Variants in MYRIP observed in about 807,000 individuals in gnomAD.
MYRIP encodes myosin VIIA and Rab interacting protein.
MYRIP carries 49 observed loss-of-function variants against 98.0 expected under a neutral mutation model. The observed-to-expected ratio is 0.50, with a 90% CI of 0.40 to 0.63. MYRIP has a LOEUF of 0.63. Among genes scored for constraint, MYRIP ranks in the 30% least tolerant of loss-of-function variants. MYRIP has a pLI of 0.00. For synonymous variants in MYRIP, 404 were observed against 409.5 expected (o/e 0.99, Z 0.16); for missense variants, 1,004 against 1,058.2 (o/e 0.95, Z 0.71).
At chr3:40,109,621 G>T (rs1215879476) in intron 3 of MYRIP, among the ~76,000 whole-genome samples, 1 of 152,142 alleles carries the variant, frequency 6.6e-6, no homozygotes, top group Non-Finnish European at 1.5e-5. Flanking sequence ...GAAGGTTGAT[G>T]TTGGGAAGGA....
chr3:39,831,726 G>A (rs1209186474), intron 1 of MYRIP, among the ~76,000 whole-genome samples: 1 of 152,088 alleles, frequency 6.6e-6, no homozygotes, highest in Non-Finnish European at 1.5e-5. Flanking sequence ...ATTTCTAATA[G>A]CTGAATTGAA....
At chr3:40,232,024 G>C (rs934601974) in intron 11 of MYRIP, among the ~76,000 whole-genome samples, 2 of 152,138 alleles carry the variant, frequency 1.3e-5, no homozygotes, top group Non-Finnish European at 2.9e-5. Flanking sequence ...CTGAAAAGTG[G>C]GGGACATCCT....
intron 11 of MYRIP, among the ~76,000 whole-genome samples, chr3:40,215,682 A>G (rs1952097984): frequency 6.6e-6 from 1 of 152,166 alleles, no homozygotes; most frequent in African/African-American, 2.4e-5. Flanking sequence ...AAATAACTTA[A>G]CCATTCATGT....
intron 1 of MYRIP, among the ~76,000 whole-genome samples, chr3:39,858,488 C>A (rs1392697277): frequency 1.3e-5 from 2 of 152,038 alleles, no homozygotes; most frequent in Admixed American, 6.5e-5. Context: ...ATCATCCAGA[C>A]AGAAAATCAA....
intron 2 of MYRIP, among the ~76,000 whole-genome samples, chr3:39,921,216 T>C (rs1035594458): frequency 6.6e-6 from 1 of 152,224 alleles, no homozygotes; most frequent in Non-Finnish European, 1.5e-5. Flanking sequence ...AATAACCTGC[T>C]CATTTTCTAA....
rs1943296777 is a variant in MYRIP, at chr3:39,886,168, T to C, written c.-30-14619T>C. Among the ~76,000 whole-genome samples, 7 of 151,696 alleles carry C rather than the reference T, an allele frequency of 4.6e-5. No homozygotes were observed. The South Asian group carries it at 1.3e-3, about 27-fold the overall frequency. ...GATTTTGTCACCACCAGGCCTGCCC[T>C]AAAAGAGCTCCTGAAGGAAGCACTA... On this transcript the variant is annotated intron_variant, in intron 1 of 16. Coordinates refer to ENST00000302541, the MANE Select transcript of MYRIP (RefSeq NM_015460.4).
chr3:39,919,725 TGTGAGAGA>T (rs1391134701), intron 2 of MYRIP, among the ~76,000 whole-genome samples: 2 of 143,850 alleles, frequency 1.4e-5, no homozygotes, highest in Non-Finnish European at 3.0e-5. Flanking sequence ...TGTGTGTGTG[TGTGAGAGA>T]GAGAGAGAGA....
chr3:40,036,302 C>CA (rs71091786), intron 2 of MYRIP, among the ~76,000 whole-genome samples: 6,962 of 64,282 alleles, frequency 0.11, 666 homozygotes, highest in African/African-American at 0.28. Context: ...CAACTGATAC[C>CA]AAAAAAAAAA....
At chr3:39,877,085 A>G (rs1943019558) in intron 1 of MYRIP, among the ~76,000 whole-genome samples, 1 of 151,954 alleles carries the variant, frequency 6.6e-6, no homozygotes, top group South Asian at 2.1e-4. Context: ...GCTTCATTTC[A>G]TTCATTTGAT....
At chr3:40,085,435 CCA>C (rs1177115591) in intron 3 of MYRIP, among the ~76,000 whole-genome samples, 1 of 152,174 alleles carries the variant, frequency 6.6e-6, no homozygotes, top group Non-Finnish European at 1.5e-5. Flanking sequence ...CAGGCACCCA[CCA>C]CCGTGCCCAG....
intron 10 of MYRIP, among the ~76,000 whole-genome samples, chr3:40,203,126 T>G (rs946753953): frequency 6.6e-6 from 1 of 151,876 alleles, no homozygotes; most frequent in African/African-American, 2.4e-5. Context: ...AAGACAGGGT[T>G]TCACCATGCT....
In MYRIP at chr3:39,900,933, T is replaced by A; in HGVS notation, c.110+7T>A. On this transcript the variant is annotated splice_region_variant and intron_variant, in intron 2 of 16. Transcript: ENST00000302541. ...AAGAAGAAGAACGACTAAGGTGAGA[T>A]GCCTGTTTTGCTCAGCAGCGTACAG... 2 of 1,605,426 alleles carry A rather than the reference T, an allele frequency of 1.2e-6. No homozygotes were observed. Among genetic ancestry groups the A allele is most frequent in the Middle Eastern group, 1.7e-4 (1 of 6,056 alleles).
intron 2 of MYRIP, among the ~76,000 whole-genome samples, chr3:40,041,015 A>T: frequency 1.1e-5 from 1 of 88,782 alleles, no homozygotes; most frequent in Non-Finnish European, 2.4e-5. Context: ...AGAAAATATT[A>T]CCAGCAGAAA....
At chr3:40,098,608 C>T (rs1948875858) in intron 3 of MYRIP, among the ~76,000 whole-genome samples, 2 of 152,156 alleles carry the variant, frequency 1.3e-5, no homozygotes, top group African/African-American at 2.4e-5. Flanking sequence ...GTGCTACCAA[C>T]CTCTTCACAA....
chr3:39,874,870 A>T (rs1410121077), intron 1 of MYRIP, among the ~76,000 whole-genome samples: 1 of 152,144 alleles, frequency 6.6e-6, no homozygotes, highest in Non-Finnish European at 1.5e-5. Context: ...TGAGTAAGGG[A>T]AGATTCCCTC....
At chr3:39,989,039 C>G (rs1946106118) in intron 2 of MYRIP, among the ~76,000 whole-genome samples, 1 of 152,026 alleles carries the variant, frequency 6.6e-6, no homozygotes, top group South Asian at 2.1e-4. Flanking sequence ...CATCTTCCAT[C>G]CAGTTCTGCA....
intron 1 of MYRIP, among the ~76,000 whole-genome samples, chr3:39,853,678 C>T (rs1367623666): frequency 6.6e-6 from 1 of 152,086 alleles, no homozygotes; most frequent in Admixed American, 6.5e-5. Context: ...GTATGGCTTG[C>T]AAATATTTTC....
chr3:39,991,182 A>G (rs942202326), intron 2 of MYRIP, among the ~76,000 whole-genome samples: 1 of 152,212 alleles, frequency 6.6e-6, no homozygotes, highest in Non-Finnish European at 1.5e-5. Context: ...TTTAGTCAAA[A>G]AAGGAAAATT....
chr3:40,173,332 T>C (rs1457363344), intron 8 of MYRIP: 3 of 152,204 alleles, frequency 2.0e-5, no homozygotes, highest in Non-Finnish European at 4.4e-5. Context: ...TTGTCTCCTG[T>C]TTCCTTGGGA....
Sources: allele counts gnomAD v4.1 joint callset (sites outside exome capture counted in the v4.1 genomes callset), GRCh38; gene constraint gnomAD v4.1.1; transcripts MANE v1.5; gene names NCBI Gene and HGNC (gene_info 2026-07-23, HGNC 2026-07-21).